The following GGT5 variants were observed in gnomAD, a reference collection of about 807,000 sequenced individuals.
GGT5 encodes glutathione hydrolase 5 proenzyme.
A neutral mutation model predicts 58.1 loss-of-function variants in GGT5; 50 were observed. That is an observed-to-expected ratio of 0.86 (90% CI 0.69 to 1.09). The LOEUF (loss-of-function observed/expected upper bound fraction) is 1.09. GGT5 is among the 50% of genes least tolerant of loss of function. GGT5 has a pLI of 0.00. For missense variants in GGT5, 800 were observed against 789.4 expected (o/e 1.01, Z -0.16); for synonymous variants, 370 against 346.1 (o/e 1.07, Z -0.77).
At chr22:24,220,434 G>A (rs752777948) in intron 11 of GGT5, 18 of 513,076 alleles carry the variant, frequency 3.5e-5, no homozygotes, top group African/African-American at 2.9e-4. Context: ...GGGGGCCTTC[G>A]ATGGAGGATG....
chr22:24,220,571 G>A (rs2047560026), intron 11 of GGT5: 1 of 454,988 alleles, frequency 2.2e-6, no homozygotes, highest in African/African-American at 2.0e-5. Context: ...GGGCAATGCA[G>A]CAAGATCCTG....
chr22:24,222,810 G>A (rs1412547236), intron 11 of GGT5, among the ~76,000 whole-genome samples: 1 of 152,064 alleles, frequency 6.6e-6, no homozygotes. Context: ...GGGCGCGGTG[G>A]CTCACGCCTA....
chr22:24,241,453 A>T (rs575891668), intron 1 of GGT5: 17 of 152,342 alleles, frequency 1.1e-4, no homozygotes, highest in Non-Finnish European at 2.1e-4. Context: ...GTGTTGAAGC[A>T]GAATTCCTGC....
intron 4 of GGT5, among the ~76,000 whole-genome samples, 171 bp downstream of exon 4, chr22:24,232,652 C>T (rs1158601005): frequency 6.6e-6 from 1 of 152,160 alleles, no homozygotes; most frequent in Admixed American, 6.5e-5. Flanking sequence ...CCAAGTTAGG[C>T]TCTGCCACGG....
At chr22:24,230,986 C>G (rs1394360537) in intron 6 of GGT5, among the ~76,000 whole-genome samples, 3 of 152,294 alleles carry the variant, frequency 2.0e-5, no homozygotes, top group Middle Eastern at 3.4e-3. Context: ...GCAGGCAGCC[C>G]CAGGCCTCAG....
intron 11 of GGT5, among the ~76,000 whole-genome samples, chr22:24,223,659 A>G (rs1459019091): frequency 2.6e-5 from 4 of 151,534 alleles, no homozygotes; most frequent in South Asian, 4.2e-4. Flanking sequence ...CATGGTTCTC[A>G]GGTTCTAAGG....
At position 24,226,179 on chromosome 22, in the gene GGT5, A is replaced by T. The variant is rs1263589523; in HGVS notation, c.1126T>A (p.Tyr376Asn). The change falls in exon 8 of 12, where the codon TAC becomes AAC. Residue 376 changes from tyrosine (Y) to asparagine (N), a missense_variant. Transcript: ENST00000327365. ...DGRGDHQLSH[Y>N]SLAEAWGHGT... The stretch of plus-strand genomic sequence containing the variant: ...TGGCCCCAGGCCTCGGCCAAGCTGT[A>T]GTGGCTGAGCTGGTGGTCCCCCCGG... The T allele has an allele frequency of 6.2e-7, 1 of 1,610,556 alleles. No individual in the cohort carries two copies. Among genetic ancestry groups the T allele is most frequent in the South Asian group, 1.1e-5 (1 of 91,048 alleles).
chr22:24,236,396 C>T (rs187939045), intron 1 of GGT5, among the ~76,000 whole-genome samples: 6 of 152,318 alleles, frequency 3.9e-5, no homozygotes, highest in South Asian at 4.1e-4. Context: ...CCACCAACCT[C>T]TCTCAGCTGG....
At chr22:24,223,539 G>A (rs138593752) in intron 11 of GGT5, among the ~76,000 whole-genome samples, 284 of 152,196 alleles carry the variant, frequency 1.9e-3, no homozygotes, top group African/African-American at 5.5e-3. Context: ...CCCTACATGC[G>A]GAGGGAGGCC....
At position 24,231,366 on chromosome 22, in the gene GGT5, T is replaced by A; in HGVS notation, c.901+18A>T. The A allele has an allele frequency of 1.3e-6, 2 of 1,532,050 alleles. No individual in the cohort carries two copies. Among genetic ancestry groups the A allele is most frequent in the Non-Finnish European group, 1.8e-6 (2 of 1,135,170 alleles). 94.9% of individuals were successfully genotyped at this position (1,532,050 alleles called of 1,614,324 possible). ...CGGGGGAGGGGGTGGGCGCCAGGGCTCTGGGCAGGGGCTTTACCTCTTAGC... is the reference window on the plus strand; with the variant it reads ...CGGGGGAGGGGGTGGGCGCCAGGGCACTGGGCAGGGGCTTTACCTCTTAGC... On this transcript the variant is annotated intron_variant, in intron 6 of 11. Coordinates refer to ENST00000327365, the MANE Select transcript of GGT5 (RefSeq NM_004121.5).
Position 24,240,440 on chromosome 22 carries a change from G to A in GGT5, c.173+4113C>T, listed in dbSNP as rs369820028. On this transcript the variant is annotated intron_variant, in intron 1 of 11. Transcript: ENST00000327365. ...TTTTATGTAAGGATACAGAAAGGTG[G>A]AAAATAATGAAAAATATATCATGCA... Among the ~76,000 whole-genome samples, 9 of 149,256 alleles carry A rather than the reference G, an allele frequency of 6.0e-5. No individual in the cohort carries two copies. In the East Asian group the frequency reaches 1.7e-3, roughly 29 times the overall value.
At chr22:24,237,722 A>G (rs117428232) in intron 1 of GGT5, among the ~76,000 whole-genome samples, 3,324 of 152,092 alleles carry the variant, frequency 0.022, 71 homozygotes, top group South Asian at 0.068. Context: ...CAATTTTTAT[A>G]CATACTCTCC....
At chr22:24,228,636 G>A (rs1267647257) in intron 6 of GGT5, among the ~76,000 whole-genome samples, 1 of 151,884 alleles carries the variant, frequency 6.6e-6, no homozygotes, top group African/African-American at 2.4e-5. Flanking sequence ...ATTTTTAGTA[G>A]AGACAGGGTT....
At chr22:24,232,345 A>T in intron 4 of GGT5, 137 bp from the exon 5 acceptor site, 1 of 560,372 alleles carries the variant, frequency 1.8e-6, no homozygotes, top group Non-Finnish European at 3.2e-6. Context: ...ACTGGGGTGG[A>T]CACCGGGGAA....
At chr22:24,226,803 A>G in intron 6 of GGT5, 36 bp from the exon 7 acceptor site, 3 of 1,605,898 alleles carry the variant, frequency 1.9e-6, no homozygotes, top group Non-Finnish European at 2.6e-6. Flanking sequence ...GGTTGGGGTC[A>G]CCCTATGTAA....
intron 6 of GGT5, among the ~76,000 whole-genome samples, chr22:24,229,669 TA>T (rs777324290): frequency 2.0e-5 from 3 of 150,614 alleles, no homozygotes; most frequent in African/African-American, 4.9e-5. Flanking sequence ...CCATCTCTAC[TA>T]AAAAAATAAA....
chr22:24,229,005 G>T (rs1450929169), intron 6 of GGT5, among the ~76,000 whole-genome samples: 1 of 151,720 alleles, frequency 6.6e-6, no homozygotes, highest in African/African-American at 2.4e-5. Flanking sequence ...CAGGAGAATC[G>T]CTTGAACCGG....
chr22:24,221,367 T>A (rs9624429), intron 11 of GGT5, among the ~76,000 whole-genome samples: 23,309 of 150,368 alleles, frequency 0.16, 1,920 homozygotes, highest in Middle Eastern at 0.21. Flanking sequence ...CTTGAGAAAT[T>A]TTGCAGACCC....
At chr22:24,233,228 G>A (rs373023590) in intron 3 of GGT5, among the ~76,000 whole-genome samples, 18 of 152,318 alleles carry the variant, frequency 1.2e-4, no homozygotes, top group East Asian at 9.7e-4. Flanking sequence ...GGCCCCAGGA[G>A]CCCCACCCTG....
Sources: gnomAD v4.1 joint callset for allele counts (sites outside exome capture counted in the v4.1 genomes callset) on GRCh38, gnomAD v4.1.1 for gene constraint, MANE v1.5 for transcripts, NCBI Gene and HGNC (gene_info 2026-07-23, HGNC 2026-07-21) for gene names.